CSNK2A2: variants seen among roughly 807,000 people sequenced by gnomAD.
The protein encoded by CSNK2A2 is casein kinase 2 alpha 2, also known as casein kinase II subunit alpha'.
In CSNK2A2, 8 loss-of-function variants were observed where a neutral mutation model predicts 54.0. The ratio of observed to expected loss-of-function variants is 0.15; its 90% CI spans 0.09 to 0.27. The LOEUF (loss-of-function observed/expected upper bound fraction) is 0.27, where lower values mean the gene tolerates loss of function less well. Ranked by LOEUF, CSNK2A2 falls within the 10% of genes least tolerant of loss-of-function variation. The probability of loss-of-function intolerance (pLI) is 1.00; values close to 1 mark genes in which losing one functional copy is unlikely to be tolerated. For missense variants in CSNK2A2, 242 were observed against 439.4 expected (o/e 0.55, Z 4.02); for synonymous variants, 141 against 153.9 (o/e 0.92, Z 0.62).
chr16:58,180,652 C>T (rs995499674), intron 4 of CSNK2A2, among the ~76,000 whole-genome samples: 1 of 151,968 alleles, frequency 6.6e-6, no homozygotes, highest in African/African-American at 2.4e-5. Flanking sequence ...TATAGTATAA[C>T]CTTGATAGCA....
At chr16:58,163,592 T>C (rs1961464940) in intron 11 of CSNK2A2, 2 of 152,262 alleles carry the variant, frequency 1.3e-5, no homozygotes, top group African/African-American at 4.8e-5. Flanking sequence ...CTGTCACTGT[T>C]TTAATATCTC....
intron 5 of CSNK2A2, among the ~76,000 whole-genome samples, chr16:58,169,250 GGT>G (rs1216945377): frequency 1.3e-5 from 2 of 151,992 alleles, no homozygotes; most frequent in African/African-American, 4.8e-5. Flanking sequence ...TAAAAGAGGG[GGT>G]GATGAGGCCA....
intron 3 of CSNK2A2, 117 bp downstream of exon 3, chr16:58,186,638 G>C (rs1157267886): frequency 1.4e-6 from 1 of 705,028 alleles, no homozygotes; most frequent in East Asian, 2.8e-5. Context: ...CCAGTCAGTA[G>C]TTAAAGACAA....
At chr16:58,191,726 T>C (rs1962326270) in intron 2 of CSNK2A2, among the ~76,000 whole-genome samples, 1 of 152,156 alleles carries the variant, frequency 6.6e-6, no homozygotes, top group Non-Finnish European at 1.5e-5. Flanking sequence ...ACCCTTTGAA[T>C]CTCATTAGGA....
chr16:58,195,168 T>C (rs1043120178), intron 2 of CSNK2A2, among the ~76,000 whole-genome samples: 4 of 142,208 alleles, frequency 2.8e-5, no homozygotes, highest in Non-Finnish European at 6.2e-5. Flanking sequence ...TAAGGTAATT[T>C]TCCTGTGACT....
chr16:58,174,464 T>C lies in CSNK2A2; in HGVS notation c.416A>G (p.Tyr139Cys), dbSNP rs1453441068. The change falls in exon 5 of 12, where the codon TAT becomes TGT. Residue 139 changes from tyrosine (Y) to cysteine (C), a missense_variant. Coordinates refer to ENST00000262506, the MANE Select transcript of CSNK2A2 (RefSeq NM_001896.4). Reference protein sequence around the residue: ...LTDFDIRFYMYELLKALDYCH... With the variant: ...LTDFDIRFYMCELLKALDYCH... ...AACACCACTTACTTTAAGTAGTTCA[T>C]ACATATAAAACCGGATATCAAAGTC... The C allele has an allele frequency of 1.2e-6, 2 of 1,611,660 alleles. No individual in the cohort carries two copies. Among genetic ancestry groups the C allele is most frequent in the Non-Finnish European group, 8.5e-7 (1 of 1,178,846 alleles).
chr16:58,183,937 A>G (rs557735419), intron 4 of CSNK2A2, among the ~76,000 whole-genome samples: 2 of 152,258 alleles, frequency 1.3e-5, no homozygotes, highest in Admixed American at 6.5e-5. Flanking sequence ...CGGCAAAGTA[A>G]GATTTCGTAC....
At chr16:58,187,553 C>T (rs946199317) in intron 2 of CSNK2A2, among the ~76,000 whole-genome samples, 1 of 152,136 alleles carries the variant, frequency 6.6e-6, no homozygotes, top group African/African-American at 2.4e-5. Context: ...AATAATTACT[C>T]TCATTATACA....
At chr16:58,186,629 C>T in intron 3 of CSNK2A2, 126 bp downstream of exon 3, 1 of 629,412 alleles carries the variant, frequency 1.6e-6, no homozygotes. Context: ...GTTTTCAAAC[C>T]AGTCAGTAGT....
chr16:58,184,153 C>T (rs74348602), intron 4 of CSNK2A2, 107 bp downstream of exon 4: 30,998 of 790,500 alleles, frequency 0.039, 988 homozygotes, highest in South Asian at 0.14. Context: ...TTATTTCCTC[C>T]TCTCACCAAT....
Position 58,164,164 on chromosome 16 carries a change from G to C in CSNK2A2, c.977-17C>G. 1 of 1,613,176 alleles carries C rather than the reference G, an allele frequency of 6.2e-7. No homozygotes were observed. The highest frequency in any genetic ancestry group is 8.5e-7 in the Non-Finnish European group (1 of 1,179,384). On this transcript the variant is annotated splice_polypyrimidine_tract_variant and intron_variant, in intron 10 of 11. Transcript: ENST00000262506. ...CCACAGGGTCTGCAAGAAAGCAGGA[G>C]GAAAGTCAGGCAATCAGGGTGGTGA...
chr16:58,169,575 T>C (rs1961679331), intron 5 of CSNK2A2, among the ~76,000 whole-genome samples: 1 of 151,968 alleles, frequency 6.6e-6, no homozygotes, highest in African/African-American at 2.4e-5. Context: ...GGAACCTCAC[T>C]GGAGTCACCT....
chr16:58,179,012 T>C (rs577532196), intron 4 of CSNK2A2, among the ~76,000 whole-genome samples: 5 of 152,282 alleles, frequency 3.3e-5, no homozygotes, highest in East Asian at 1.9e-4. Flanking sequence ...ACAATAATTA[T>C]AGAGAAACTT....
intron 2 of CSNK2A2, among the ~76,000 whole-genome samples, chr16:58,195,978 T>G (rs1295408011): frequency 6.6e-6 from 1 of 152,250 alleles, no homozygotes; most frequent in Non-Finnish European, 1.5e-5. Context: ...AAACAAGTGA[T>G]TATCCGCTAA....
At position 58,197,253 on chromosome 16, in the gene CSNK2A2, AG is replaced by A. The variant is rs1962480883; in HGVS notation, c.104+379del. The A allele has an allele frequency of 3.2e-5, 9 of 279,398 alleles. 1 individual carries two copies. The South Asian group carries it at 4.6e-4, about 14-fold the overall frequency. The allele number at this position is 279,398 out of a possible 1,614,324, so 17.3% of individuals were successfully genotyped here. On this transcript the variant is annotated intron_variant, in intron 1 of 11. Transcript: ENST00000262506. This position sits in a 1 kb window ranked among gnomAD's most constrained non-coding sequence, Gnocchi z 4.0. ...AAATTTCCTCCCACCACCTCATCTC[AG>A]AAAACCTAAAAGGCAGGGCATTTTA...
At position 58,197,579 on chromosome 16, in the gene CSNK2A2, G is replaced by C; in HGVS notation, c.104+54C>G. On this transcript the variant is annotated intron_variant, in intron 1 of 11. Coordinates refer to ENST00000262506, the MANE Select transcript of CSNK2A2 (RefSeq NM_001896.4). The surrounding 1 kb of genome is among the most constrained non-coding windows in gnomAD (Gnocchi z 4.0). The stretch of plus-strand genomic sequence containing the variant: ...GGCCCGAGTGCGGTTCGCAGGGGGT[G>C]GCCGGGCGGGGGCAGGGATCAGCGG... 2.3e-6 allele frequency: 3 copies of C among 1,300,882 alleles called. No homozygotes were observed. The highest frequency in any genetic ancestry group is 3.2e-6 in the Non-Finnish European group (3 of 947,756). The allele number at this position is 1,300,882 out of a possible 1,614,324, so 80.6% of individuals were successfully genotyped here. A position where few individuals can be genotyped will look rare whatever the true frequency, so the allele number is the denominator to read the frequency against.
chr16:58,188,658 A>AT (rs1291033970), intron 2 of CSNK2A2, among the ~76,000 whole-genome samples: 5 of 152,210 alleles, frequency 3.3e-5, no homozygotes, highest in African/African-American at 1.2e-4. Flanking sequence ...TTACCTTCTA[A>AT]TTTTTTAATA....
intron 4 of CSNK2A2, among the ~76,000 whole-genome samples, chr16:58,181,957 G>A (rs1485600963): frequency 6.6e-6 from 1 of 152,038 alleles, no homozygotes; most frequent in Non-Finnish European, 1.5e-5. Flanking sequence ...TGGTAATACT[G>A]GAACAATCTC....
chr16:58,166,632 T>G lies in CSNK2A2; in HGVS notation c.779A>C (p.Lys260Thr). 6.2e-7 allele frequency: 1 copy of G among 1,613,868 alleles called. No homozygotes were observed. Among genetic ancestry groups the G allele is most frequent in the Non-Finnish European group, 8.5e-7 (1 of 1,179,854 alleles). The change falls in exon 9 of 12, where the codon AAG (lysine) becomes ACG (threonine). Residue 260 changes from lysine (K) to threonine (T), a missense_variant. Physicochemically the swap from Lys to Thr is moderately conservative, Grantham distance 78 (BLOSUM62 -1). Around this residue, in one of 5 missense-constraint regions of CSNK2A2, gnomAD observed 81 missense variants for 135.0 expected, o/e 0.60. Coordinates refer to ENST00000262506, the MANE Select transcript of CSNK2A2 (RefSeq NM_001896.4). ...LGTEELYGYL[K>T]KYHIDLDPHF... ...TGGATCTAGGTCTATGTGATACTTCTTCAGATACCCATACAGTTCTTCTGT... is the reference window on the plus strand; with the variant it reads ...TGGATCTAGGTCTATGTGATACTTCGTCAGATACCCATACAGTTCTTCTGT...
Sources: gnomAD v4.1 joint callset for allele counts (sites outside exome capture counted in the v4.1 genomes callset) on GRCh38, gnomAD v4.1.1 for gene constraint, gnomAD v4.1.1 regional missense constraint, Gnocchi (gnomAD v3.1) non-coding constraint, MANE v1.5 for transcripts, NCBI Gene and HGNC (gene_info 2026-07-23, HGNC 2026-07-21) for gene names.